Variants in PRKACB observed in about 807,000 individuals in gnomAD.
PRKACB encodes protein kinase cAMP-activated catalytic subunit beta.
A neutral mutation model predicts 51.4 loss-of-function variants in PRKACB; 16 were observed. The ratio of observed to expected loss-of-function variants is 0.31; its 90% CI spans 0.21 to 0.47. PRKACB has a LOEUF of 0.47. Ranked by LOEUF, PRKACB falls within the 20% of genes least tolerant of loss-of-function variation. The probability of loss-of-function intolerance (pLI) is 1.00; values close to 1 mark genes in which losing one functional copy is unlikely to be tolerated. For missense variants in PRKACB, 309 were observed against 464.5 expected, an observed-to-expected ratio of 0.67 and a Z score of 3.08; for synonymous variants, 147 against 154.4, an observed-to-expected ratio of 0.95 and a Z score of 0.35.
At chr1:84,138,958 A>G (rs1029497515) in intron 1 of PRKACB, among the ~76,000 whole-genome samples, 3 of 152,200 alleles carry the variant, frequency 2.0e-5, no homozygotes, top group Non-Finnish European at 4.4e-5. Flanking sequence ...CAAATGCTGA[A>G]AACACATTAG....
In PRKACB at chr1:84,145,138, C is replaced by G. The variant is rs532105714; in HGVS notation, c.187+590C>G. Reference sequence around the variant, plus strand: ...GTTATTTATACATATGACTCAAATGCAGGAAAAGTTGGTTATGCATGAATC... The same window carrying G: ...GTTATTTATACATATGACTCAAATGGAGGAAAAGTTGGTTATGCATGAATC... On this transcript the variant is annotated intron_variant, in intron 1 of 9. Coordinates refer to ENST00000370685, the MANE Select transcript of PRKACB (RefSeq NM_182948.4). 5.7e-4 allele frequency among the ~76,000 whole-genome samples: 86 copies of G among 152,060 alleles called. 1 individual carries two copies. The South Asian group carries it at 0.017, about 30-fold the overall frequency.
chr1:84,175,421 C>T (rs992007798), intron 1 of PRKACB, among the ~76,000 whole-genome samples: 17 of 151,634 alleles, frequency 1.1e-4, no homozygotes, highest in African/African-American at 4.1e-4. Flanking sequence ...TAATGGTATA[C>T]TGTGACTAAC....
intron 1 of PRKACB, among the ~76,000 whole-genome samples, chr1:84,115,424 TC>T (rs1166050755): frequency 6.6e-6 from 1 of 152,130 alleles, no homozygotes; most frequent in African/African-American, 2.4e-5. Context: ...TGGATATTAG[TC>T]CCCTGTTGCA....
intron 1 of PRKACB, among the ~76,000 whole-genome samples, chr1:84,082,534 T>G (rs1208540609): frequency 1.3e-5 from 2 of 152,178 alleles, no homozygotes; most frequent in Admixed American, 6.5e-5. Flanking sequence ...TGTATACTTT[T>G]CCCTTCTTGC....
intron 9 of PRKACB, among the ~76,000 whole-genome samples, chr1:84,219,188 C>G (rs554826427): frequency 1.8e-4 from 27 of 150,590 alleles, no homozygotes; most frequent in Admixed American, 3.3e-4. Context: ...TTGTACTTTT[C>G]AGGACTTAGC....
chr1:84,188,624 A>G (rs1374343275), intron 5 of PRKACB, among the ~76,000 whole-genome samples: 3 of 151,964 alleles, frequency 2.0e-5, no homozygotes, highest in Non-Finnish European at 4.4e-5. Flanking sequence ...TGAAACATTC[A>G]TATGAACAAC....
chr1:84,193,935 A>G (rs951241435), intron 5 of PRKACB, among the ~76,000 whole-genome samples: 4 of 152,182 alleles, frequency 2.6e-5, no homozygotes, highest in African/African-American at 9.6e-5. Flanking sequence ...ATATCACAAG[A>G]TGATATCAAG....
In PRKACB at chr1:84,188,547, A is replaced by T. The variant is rs188645431; in HGVS notation, c.560+3365A>T. On this transcript the variant is annotated intron_variant, in intron 5 of 9. Transcript: ENST00000370685. ...AAGTAAAATTAGTTATTTCTATTTT[A>T]TCTAGCATTTTAAGACAATAACCAG... Among the ~76,000 whole-genome samples the T allele has an allele frequency of 5.2e-3, 790 of 152,092 alleles. 24 individuals are homozygous for T. The highest frequency in any genetic ancestry group is 0.034 in the Admixed American group (512 of 15,250).
At chr1:84,122,804 A>T (rs1352611068) in intron 1 of PRKACB, among the ~76,000 whole-genome samples, 1 of 152,152 alleles carries the variant, frequency 6.6e-6, no homozygotes, top group Non-Finnish European at 1.5e-5. Context: ...ATGGTAGTTT[A>T]TGTGAGAATT....
At chr1:84,118,980 A>G (rs1650844409) in intron 1 of PRKACB, among the ~76,000 whole-genome samples, 1 of 152,232 alleles carries the variant, frequency 6.6e-6, no homozygotes, top group Admixed American at 6.5e-5. Context: ...TGATTGAAAC[A>G]GAAAGGAAAT....
intron 8 of PRKACB, among the ~76,000 whole-genome samples, chr1:84,203,309 AC>A (rs1351743784): frequency 2.6e-5 from 4 of 152,056 alleles, no homozygotes; most frequent in Non-Finnish European, 5.9e-5. Context: ...TTGTGATTAT[AC>A]TTGTCATTGG....
At chr1:84,214,436 G>T in intron 9 of PRKACB, 119 bp downstream of exon 9, 3 of 986,114 alleles carry the variant, frequency 3.0e-6, no homozygotes, top group East Asian at 2.9e-5. Context: ...AATTAATCTT[G>T]TGCAGGATCT....
intron 1 of PRKACB, among the ~76,000 whole-genome samples, chr1:84,169,499 A>T (rs1658675290): frequency 6.6e-6 from 1 of 151,234 alleles, no homozygotes; most frequent in Non-Finnish European, 1.5e-5. Context: ...AGAAAAGTAA[A>T]TTAATAATGT....
At chr1:84,227,792 C>T (rs1674883679) in intron 9 of PRKACB, among the ~76,000 whole-genome samples, 1 of 152,140 alleles carries the variant, frequency 6.6e-6, no homozygotes. Context: ...TAGCAGAGTA[C>T]TTTAACCATT....
chr1:84,162,959 C>T (rs1328867889), intron 1 of PRKACB, among the ~76,000 whole-genome samples: 2 of 151,856 alleles, frequency 1.3e-5, no homozygotes, highest in Non-Finnish European at 2.9e-5. Context: ...TAAAAACTTC[C>T]TTTGTCTTAA....
intron 9 of PRKACB, among the ~76,000 whole-genome samples, chr1:84,230,320 G>C (rs1378703958): frequency 6.6e-6 from 1 of 152,178 alleles, no homozygotes; most frequent in Non-Finnish European, 1.5e-5. Context: ...GTAACATGCT[G>C]TGTTGGTTAC....
intron 1 of PRKACB, among the ~76,000 whole-genome samples, chr1:84,169,558 G>A (rs1194262736): frequency 2.0e-5 from 3 of 151,452 alleles, no homozygotes; most frequent in Admixed American, 1.3e-4. Context: ...AAATGGACAA[G>A]ATAAAAATTA....
At chr1:84,165,456 T>C (rs114645949) in intron 1 of PRKACB, among the ~76,000 whole-genome samples, 2,296 of 151,964 alleles carry the variant, frequency 0.015, 64 homozygotes, top group African/African-American at 0.051. Context: ...GAAAATAAGA[T>C]GCTGCCAGAA....
At chr1:84,231,203 G>C (rs1179280279) in intron 9 of PRKACB, among the ~76,000 whole-genome samples, 1 of 152,136 alleles carries the variant, frequency 6.6e-6, no homozygotes, top group Non-Finnish European at 1.5e-5. Flanking sequence ...CTTTGGTTCT[G>C]TTTATATGCT....
Sources: gnomAD v4.1 joint callset for allele counts (sites outside exome capture counted in the v4.1 genomes callset) on GRCh38, gnomAD v4.1.1 for gene constraint, MANE v1.5 for transcripts, NCBI Gene and HGNC (gene_info 2026-07-23, HGNC 2026-07-21) for gene names.